PCNT: variants seen among roughly 807,000 people sequenced by gnomAD.
The protein encoded by PCNT is kendrin.
Under a neutral mutation model 380.4 loss-of-function variants are expected in PCNT, and 319 were observed. That is an observed-to-expected ratio of 0.84 (90% CI 0.77 to 0.92). The LOEUF (loss-of-function observed/expected upper bound fraction) is 0.92. PCNT is among the 40% of genes least tolerant of loss of function. The probability of loss-of-function intolerance (pLI) is 0.00; values close to 1 mark genes in which losing one functional copy is unlikely to be tolerated. For missense variants in PCNT, 4,400 were observed against 4,255.3 expected, an observed-to-expected ratio of 1.03 and a Z score of -0.95; for synonymous variants, 1,845 against 1,735.2, an observed-to-expected ratio of 1.06 and a Z score of -1.57.
intron 14 of PCNT, among the ~76,000 whole-genome samples, chr21:46,365,418 T>A (rs974892633): frequency 6.7e-6 from 1 of 149,016 alleles, no homozygotes; most frequent in Non-Finnish European, 1.5e-5. Flanking sequence ...ATCACTGCCG[T>A]GGGGTTCTAT....
intron 21 of PCNT, among the ~76,000 whole-genome samples, chr21:46,396,327 G>A (rs2086208938): frequency 6.6e-6 from 1 of 152,220 alleles, no homozygotes; most frequent in African/African-American, 2.4e-5. Flanking sequence ...CAGGTTTGGT[G>A]TCTGGTGAGG....
chr21:46,373,395 T>G (rs894701216), intron 15 of PCNT, among the ~76,000 whole-genome samples: 1 of 152,034 alleles, frequency 6.6e-6, no homozygotes, highest in African/African-American at 2.4e-5. Context: ...TAAGTTAGCT[T>G]TTTACTTTGC....
chr21:46,325,905 T>A (rs909908651), intron 1 of PCNT, among the ~76,000 whole-genome samples: 12 of 152,308 alleles, frequency 7.9e-5, no homozygotes, highest in African/African-American at 2.9e-4. Flanking sequence ...TTGACCTGGC[T>A]TAATTAATTT....
chr21:46,428,476 G>A lies in PCNT; in HGVS notation c.7576G>A (p.Ala2526Thr). Reference protein sequence around the residue: ...SLLSEIQALRAQLRMTHLQNQ... With the variant: ...SLLSEIQALRTQLRMTHLQNQ... ...GCTGTCCGAGATCCAGGCGCTGCGTGCCCAGCTGCGCATGACGCACCTGCA... is the reference window on the plus strand; with the variant it reads ...GCTGTCCGAGATCCAGGCGCTGCGTACCCAGCTGCGCATGACGCACCTGCA... The change falls in exon 35 of 47, where the codon GCC (alanine) becomes ACC (threonine). Residue 2526 changes from alanine to threonine, a missense_variant. Transcript: ENST00000359568. 6.2e-7 allele frequency: 1 copy of A among 1,612,348 alleles called. No homozygotes were observed. Among genetic ancestry groups the A allele is most frequent in the Non-Finnish European group, 8.5e-7 (1 of 1,179,832 alleles).
In PCNT at chr21:46,367,112, G is replaced by A. The variant is rs770828339; in HGVS notation, c.3138G>A (p.Val1046=). Reference sequence around the variant, plus strand: ...TGAGCACAGAGCTCGCCGGAACCGTGGCTCACGAGCTGCAGGGAGTGCACC... The same window carrying A: ...TGAGCACAGAGCTCGCCGGAACCGTAGCTCACGAGCTGCAGGGAGTGCACC... ...TEVSTELAGT[V]AHELQGVHQG... is the part of the protein sequence containing the mutation. The change falls in exon 15 of 47, where the codon GTG becomes GTA. Residue 1046 remains valine, a synonymous_variant. Coordinates refer to ENST00000359568, the MANE Select transcript of PCNT (RefSeq NM_006031.6). 2 of 1,613,288 alleles carry A rather than the reference G, an allele frequency of 1.2e-6. No individual in the cohort carries two copies. Among genetic ancestry groups the A allele is most frequent in the Non-Finnish European group, 8.5e-7 (1 of 1,179,996 alleles).
rs1229944504 is a variant in PCNT, at chr21:46,353,941, A to C, written c.1680-46A>C. 2.0e-6 allele frequency: 3 copies of C among 1,518,968 alleles called. No homozygotes were observed. In the African/African-American group the frequency reaches 4.1e-5, roughly 21 times the overall value. 94.1% of individuals were successfully genotyped at this position (1,518,968 alleles called of 1,614,324 possible). On this transcript the variant is annotated intron_variant, in intron 10 of 46. Coordinates refer to ENST00000359568, the MANE Select transcript of PCNT (RefSeq NM_006031.6). ...TGGGGAGGGAATGGCGCACACATGGAAAAGGGGTACGTGTGTAAAGCTTTT... is the reference window on the plus strand; with the variant it reads ...TGGGGAGGGAATGGCGCACACATGGCAAAGGGGTACGTGTGTAAAGCTTTT...
rs770515274 is a variant in PCNT at position 46,416,648 on chromosome 21, G to A, written c.6730G>A (p.Val2244Met). ...CCTGGAGCCCTGGCCCAGCCTCCCC[G>A]TGACACCCCACTCAGGAGCCCTGAG... is the stretch of plus-strand genomic sequence containing the variant. ...WTLEPWPSLPVTPHSGALSLC... is the reference protein window; with the variant it reads ...WTLEPWPSLPMTPHSGALSLC... The change falls in exon 30 of 47, where the codon GTG (valine) becomes ATG (methionine). Residue 2244 changes from valine to methionine, a missense_variant. Physicochemically the swap from Val to Met is conservative, Grantham distance 21 (BLOSUM62 1). Transcript: ENST00000359568. The A allele has an allele frequency of 1.1e-5, 17 of 1,565,732 alleles. No homozygotes were observed. Among genetic ancestry groups the A allele is most frequent in the Non-Finnish European group, 1.5e-5 (17 of 1,157,504 alleles).
chr21:46,425,963 A>G lies in PCNT; in HGVS notation c.7312A>G (p.Lys2438Glu). Residue 2438 changes from lysine to glutamate, a missense_variant, in exon 33 of 47, where the codon AAG (lysine) becomes GAG (glutamate). Lys to Glu is a moderately conservative substitution (Grantham distance 56). Transcript: ENST00000359568. This position sits in a 1 kb window ranked among gnomAD's most constrained non-coding sequence, Gnocchi z 4.2. ...EIQDISLHGG[K>E]TQEVPTACPD... ...ACAGGACATCTCGCTCCATGGGGGA[A>G]AGACGCAGGTTTATTTTGCCCTTCA... 1.9e-6 allele frequency: 3 copies of G among 1,614,052 alleles called. No individual in the cohort carries two copies. Among genetic ancestry groups the G allele is most frequent in the African/African-American group, 1.3e-5 (1 of 75,026 alleles).
Position 46,427,534 on chromosome 21 carries a change from T to A in PCNT, c.7321-88T>A. The A allele has an allele frequency of 2.0e-6, 3 of 1,491,332 alleles. No homozygotes were observed. In the South Asian group the frequency reaches 3.4e-5, roughly 17 times the overall value. The allele number at this position is 1,491,332 out of a possible 1,614,324, so 92.4% of individuals were successfully genotyped here. A position where few individuals can be genotyped will look rare whatever the true frequency, so the allele number is the denominator to read the frequency against. ...CCTGAATCACCTCCCGCAGGCCCCATCTCCAAACGCAGTCACACTGCGAAC... is the reference window on the plus strand; with the variant it reads ...CCTGAATCACCTCCCGCAGGCCCCAACTCCAAACGCAGTCACACTGCGAAC... On this transcript the variant is annotated intron_variant, in intron 33 of 46. Transcript: ENST00000359568.
chr21:46,411,139 T>C (rs772527132), intron 27 of PCNT, 50 bp from the exon 28 acceptor site: 2 of 1,568,024 alleles, frequency 1.3e-6, no homozygotes, highest in South Asian at 2.2e-5. Flanking sequence ...AGTAGGGACA[T>C]TCGGAAGTGG....
intron 17 of PCNT, among the ~76,000 whole-genome samples, chr21:46,386,990 CGTCT>C (rs1188322877): frequency 6.6e-6 from 1 of 152,188 alleles, no homozygotes; most frequent in Non-Finnish European, 1.5e-5. Flanking sequence ...CCACTGCTCC[CGTCT>C]GTCTGTCCCC....
At chr21:46,372,378 C>G (rs1457640886) in intron 15 of PCNT, among the ~76,000 whole-genome samples, 1 of 152,024 alleles carries the variant, frequency 6.6e-6, no homozygotes, top group Non-Finnish European at 1.5e-5. Context: ...TCATACAGCA[C>G]ATGCTCATAC....
chr21:46,426,522 C>T (rs73379382), intron 33 of PCNT, among the ~76,000 whole-genome samples: 19,527 of 152,156 alleles, frequency 0.13, 3,508 homozygotes, highest in African/African-American at 0.41. Context: ...GAGAGTGGTC[C>T]CTCCTGGCCA....
chr21:46,400,672 A>G (rs985189033), intron 25 of PCNT, among the ~76,000 whole-genome samples: 5 of 151,896 alleles, frequency 3.3e-5, no homozygotes, highest in Non-Finnish European at 7.4e-5. Context: ...GGCACGCGCC[A>G]CCACGCCTGG....
At chr21:46,325,331 G>T (rs376548974) in intron 1 of PCNT, 9 of 456,842 alleles carry the variant, frequency 2.0e-5, no homozygotes, top group African/African-American at 1.9e-4. Flanking sequence ...GGCAGGAGGG[G>T]AAGGGGAGCC....
intron 1 of PCNT, chr21:46,324,964 C>T: frequency 1.0e-6 from 1 of 954,734 alleles, no homozygotes; most frequent in Middle Eastern, 5.3e-4. Flanking sequence ...CTTGGGCTCG[C>T]GTCCTGCCCG....
chr21:46,357,770 A>C (rs2146737035), intron 13 of PCNT, among the ~76,000 whole-genome samples: 1 of 152,304 alleles, frequency 6.6e-6, no homozygotes, highest in Admixed American at 6.5e-5. Context: ...CAGGTGTCCT[A>C]AGAGGGCTCT....
At chr21:46,444,209 G>T (rs2053689602) in intron 45 of PCNT, among the ~76,000 whole-genome samples, 1 of 152,176 alleles carries the variant, frequency 6.6e-6, no homozygotes, top group Non-Finnish European at 1.5e-5. Flanking sequence ...GGCTCCTTTT[G>T]TGAGGGATGT....
At chr21:46,396,909 C>T (rs182957370) in intron 21 of PCNT, among the ~76,000 whole-genome samples, 3 of 152,140 alleles carry the variant, frequency 2.0e-5, no homozygotes, top group African/African-American at 7.2e-5. Flanking sequence ...GACCTAGATT[C>T]GCTTTTGATT....
Sources: allele counts gnomAD v4.1 joint callset (sites outside exome capture counted in the v4.1 genomes callset), GRCh38; gene constraint gnomAD v4.1.1; non-coding constraint Gnocchi (gnomAD v3.1); transcripts MANE v1.5; gene names NCBI Gene and HGNC (gene_info 2026-07-23, HGNC 2026-07-21).